Variants in HS6ST3 observed in about 807,000 individuals in gnomAD.
HS6ST3 encodes the protein heparan sulfate 6-O-sulfotransferase 3, also known as heparan-sulfate 6-O-sulfotransferase 3.
HS6ST3 carries 12 observed loss-of-function variants against 36.7 expected under a neutral mutation model. That is an observed-to-expected ratio of 0.33 (90% CI 0.21 to 0.53). HS6ST3 has a LOEUF of 0.53. HS6ST3 is among the 20% of genes least tolerant of loss of function. The pLI is 0.95. For synonymous variants in HS6ST3, 240 were observed against 257.5 expected, an observed-to-expected ratio of 0.93 and a Z score of 0.65; for missense variants, 584 against 640.9, an observed-to-expected ratio of 0.91 and a Z score of 0.96.
At chr13:96,565,284 A>G (rs1326218801) in intron 1 of HS6ST3, among the ~76,000 whole-genome samples, 1 of 152,050 alleles carries the variant, frequency 6.6e-6, no homozygotes, top group Non-Finnish European at 1.5e-5. Flanking sequence ...GCATATTTAA[A>G]CTTATATAAA....
chr13:96,295,939 A>G (rs2054852936), intron 1 of HS6ST3, among the ~76,000 whole-genome samples: 1 of 151,794 alleles, frequency 6.6e-6, no homozygotes, highest in South Asian at 2.1e-4. Context: ...TGTGAATAGA[A>G]TTTTCTGCTA....
At chr13:96,209,398 C>T (rs1263265055) in intron 1 of HS6ST3, among the ~76,000 whole-genome samples, 1 of 152,094 alleles carries the variant, frequency 6.6e-6, no homozygotes, top group Non-Finnish European at 1.5e-5. Context: ...ATGGTTGGTG[C>T]TCCCCAGCTT....
intron 1 of HS6ST3, among the ~76,000 whole-genome samples, chr13:96,559,501 C>G (rs2056254058): frequency 6.6e-6 from 1 of 152,152 alleles, no homozygotes; most frequent in Non-Finnish European, 1.5e-5. Flanking sequence ...CCACTGATAT[C>G]TAGCTGGTAT....
At chr13:96,185,439 G>A (rs1174217633) in intron 1 of HS6ST3, among the ~76,000 whole-genome samples, 32 of 152,168 alleles carry the variant, frequency 2.1e-4, no homozygotes, top group Admixed American at 2.1e-3. Flanking sequence ...CTAATGAGTG[G>A]CAGGGTGAGG....
rs1566422902 is a variant in HS6ST3 at position 96,658,268 on chromosome 13, C to CTTCTTTTTTTTTTTTTT, written c.708-174220_708-174219insCTTTTTTTTTTTTTTTT. ...TTCTTCTTCTTCTTCTCTTCTTCTT[C>CTTCTTTTTTTTTTTTTT]TTTTTTTTTTTTTTTTTTTTTTTTT... On this transcript the variant is annotated intron_variant, in intron 1 of 1. Transcript: ENST00000376705. Among the ~76,000 whole-genome samples, 89 of 76,106 alleles carry CTTCTTTTTTTTTTTTTT rather than the reference C, an allele frequency of 1.2e-3. 6 individuals carry two copies. Among genetic ancestry groups the CTTCTTTTTTTTTTTTTT allele is most frequent in the South Asian group, 2.2e-3 (4 of 1,804 alleles). 49.9% of individuals were successfully genotyped at this position (76,106 alleles called of 152,430 possible).
chr13:96,157,715 TAATCACC>T (rs2054116753), intron 1 of HS6ST3, among the ~76,000 whole-genome samples: 1 of 152,234 alleles, frequency 6.6e-6, no homozygotes. Flanking sequence ...AATGTCATAT[TAATCACC>T]TCTTGAGCTG....
intron 1 of HS6ST3, among the ~76,000 whole-genome samples, chr13:96,334,754 C>A (rs2055091526): frequency 6.6e-6 from 1 of 152,084 alleles, no homozygotes; most frequent in Non-Finnish European, 1.5e-5. Context: ...TCAATTATCT[C>A]CCACCGGGTC....
intron 1 of HS6ST3, among the ~76,000 whole-genome samples, chr13:96,099,028 C>A (rs1395448607): frequency 6.6e-6 from 1 of 152,190 alleles, no homozygotes; most frequent in African/African-American, 2.4e-5. Context: ...ACTGCAACCT[C>A]CGCCTCACAG....
At chr13:96,466,838 G>A (rs1019006010) in intron 1 of HS6ST3, among the ~76,000 whole-genome samples, 2 of 152,164 alleles carry the variant, frequency 1.3e-5, no homozygotes, top group Non-Finnish European at 2.9e-5. Context: ...TTTTAAGTTG[G>A]AAATCTCCTG....
chr13:96,614,318 A>C (rs1002744922), intron 1 of HS6ST3, among the ~76,000 whole-genome samples: 9 of 150,022 alleles, frequency 6.0e-5, no homozygotes, highest in African/African-American at 1.2e-4. Flanking sequence ...AAAAAAAAAA[A>C]AAAAAAAAAA....
intron 1 of HS6ST3, among the ~76,000 whole-genome samples, chr13:96,627,702 T>G (rs950582322): frequency 6.6e-6 from 1 of 152,014 alleles, no homozygotes; most frequent in Admixed American, 6.5e-5. Flanking sequence ...ATGGATTTAC[T>G]TGTACTAAAT....
chr13:96,183,367 G>T (rs946460387), intron 1 of HS6ST3, among the ~76,000 whole-genome samples: 1 of 152,166 alleles, frequency 6.6e-6, no homozygotes, highest in African/African-American at 2.4e-5. Flanking sequence ...AGAAAGTTTG[G>T]GATGATCTTC....
intron 1 of HS6ST3, among the ~76,000 whole-genome samples, chr13:96,542,479 C>T (rs182140889): frequency 5.9e-5 from 9 of 152,270 alleles, no homozygotes; most frequent in Admixed American, 3.3e-4. Context: ...ACATAACAGC[C>T]TCCCACGCTT....
At chr13:96,338,633 G>C (rs887775475) in intron 1 of HS6ST3, among the ~76,000 whole-genome samples, 3 of 152,150 alleles carry the variant, frequency 2.0e-5, no homozygotes, top group African/African-American at 7.2e-5. Flanking sequence ...AATTCCTGGG[G>C]TTTTGGGTTA....
chr13:96,561,629 A>G (rs2138955616), intron 1 of HS6ST3, among the ~76,000 whole-genome samples: 1 of 152,274 alleles, frequency 6.6e-6, no homozygotes, highest in African/African-American at 2.4e-5. Context: ...ACACTGAGAA[A>G]CTATGCATCT....
At chr13:96,230,722 A>G (rs2054503934) in intron 1 of HS6ST3, among the ~76,000 whole-genome samples, 1 of 152,102 alleles carries the variant, frequency 6.6e-6, no homozygotes, top group South Asian at 2.1e-4. Flanking sequence ...AAATGGAACT[A>G]AATTGCTTTT....
At position 96,187,184 on chromosome 13, in the gene HS6ST3, T is replaced by G. The variant is rs1357923575; in HGVS notation, c.707+95615T>G. ...TTGAGTCTGGGCTTTAGTGTGCCTT[T>G]GTAAAACTTTTGGTACTTGTCTGCA... On this transcript the variant is annotated intron_variant, in intron 1 of 1. Transcript: ENST00000376705. Among the ~76,000 whole-genome samples, 3 of 152,238 alleles carry G rather than the reference T, an allele frequency of 2.0e-5. No homozygotes were observed. In the East Asian group the frequency reaches 5.8e-4, roughly 29 times the overall value.
chr13:96,209,796 A>T (rs958885924), intron 1 of HS6ST3, among the ~76,000 whole-genome samples: 1 of 152,078 alleles, frequency 6.6e-6, no homozygotes, highest in Non-Finnish European at 1.5e-5. Context: ...TGGTGTTCAG[A>T]TGTTGGCTCC....
rs545815644 is a variant in HS6ST3 at position 96,391,544 on chromosome 13, T to G, written c.707+299975T>G. Among the ~76,000 whole-genome samples, 12 of 152,274 alleles carry G rather than the reference T, an allele frequency of 7.9e-5. No homozygotes were observed. The East Asian group carries it at 2.3e-3, about 29-fold the overall frequency. On this transcript the variant is annotated intron_variant, in intron 1 of 1. Coordinates refer to ENST00000376705, the MANE Select transcript of HS6ST3 (RefSeq NM_153456.4). ...TTTTGTGCTCTGTATTAGCCTGTTT[T>G]CACACTGCCGATAGACATACCTGAG... is the stretch of plus-strand genomic sequence containing the variant.
Sources: gnomAD v4.1 joint callset for allele counts (sites outside exome capture counted in the v4.1 genomes callset) on GRCh38, gnomAD v4.1.1 for gene constraint, MANE v1.5 for transcripts, NCBI Gene and HGNC (gene_info 2026-07-23, HGNC 2026-07-21) for gene names.